The following AFF3 variants were observed in gnomAD, a reference collection of about 807,000 sequenced individuals.
The protein encoded by AFF3 is ALF transcription elongation factor 3, also known as AF4/FMR2 family member 3.
AFF3 carries 32 observed loss-of-function variants against 129.7 expected under a neutral mutation model. That is an observed-to-expected ratio of 0.25 (90% CI 0.19 to 0.33). The LOEUF (loss-of-function observed/expected upper bound fraction) is 0.33. Among genes scored for constraint, AFF3 ranks in the 10% least tolerant of loss-of-function variants. AFF3 has a pLI of 1.00. For missense variants in AFF3, 1,373 were observed against 1,592.0 expected, an observed-to-expected ratio of 0.86 and a Z score of 2.34; for synonymous variants, 644 against 635.4, an observed-to-expected ratio of 1.01 and a Z score of -0.20.
At chr2:99,722,729 T>C (rs1278264333) in intron 11 of AFF3, among the ~76,000 whole-genome samples, 2 of 152,212 alleles carry the variant, frequency 1.3e-5, no homozygotes, top group Non-Finnish European at 2.9e-5. Context: ...TTAGGGGTTA[T>C]TCAAGGATTG....
chr2:100,002,838 C>T (rs1195226134), intron 7 of AFF3, among the ~76,000 whole-genome samples: 1 of 152,214 alleles, frequency 6.6e-6, no homozygotes, highest in Non-Finnish European at 1.5e-5. Context: ...CCACCAACTG[C>T]AAAAGGCCCA....
At chr2:99,845,493 G>T (rs1689651906) in intron 7 of AFF3, among the ~76,000 whole-genome samples, 1 of 152,126 alleles carries the variant, frequency 6.6e-6, no homozygotes, top group South Asian at 2.1e-4. Context: ...AATTGATATT[G>T]AGTGCTTATC....
At chr2:99,840,321 G>C (rs1299129928) in intron 7 of AFF3, among the ~76,000 whole-genome samples, 1 of 151,962 alleles carries the variant, frequency 6.6e-6, no homozygotes, top group Non-Finnish European at 1.5e-5. Flanking sequence ...CTTTTGTATA[G>C]GTCTTTGATA....
intron 24 of AFF3, 148 bp downstream of exon 24, chr2:99,554,163 G>GTT (rs1197973985): frequency 2.5e-6 from 2 of 804,936 alleles, no homozygotes; most frequent in Non-Finnish European, 4.0e-6. Context: ...GAACTAGTTA[G>GTT]TGACATGAGA....
At chr2:100,011,197 C>T (rs568216550) in intron 4 of AFF3, among the ~76,000 whole-genome samples, 1 of 152,250 alleles carries the variant, frequency 6.6e-6, no homozygotes, top group Admixed American at 6.5e-5. Flanking sequence ...CGGCACGAAC[C>T]CGGGAGGCGG....
At chr2:99,973,184 G>A (rs1016823346) in intron 7 of AFF3, among the ~76,000 whole-genome samples, 1 of 152,138 alleles carries the variant, frequency 6.6e-6, no homozygotes, top group African/African-American at 2.4e-5. Context: ...AGAGAAAGTT[G>A]CTCTTCTTTT....
intron 13 of AFF3, among the ~76,000 whole-genome samples, chr2:99,644,169 G>C (rs1308893039): frequency 6.6e-6 from 1 of 152,246 alleles, no homozygotes; most frequent in Non-Finnish European, 1.5e-5. Context: ...GATACTGCCA[G>C]ATGGGCAGAC....
At chr2:99,910,346 T>C (rs1219098222) in intron 7 of AFF3, among the ~76,000 whole-genome samples, 3 of 152,338 alleles carry the variant, frequency 2.0e-5, no homozygotes, top group African/African-American at 7.2e-5. Flanking sequence ...TTTTCAAAAC[T>C]AGACTTGATT....
At chr2:99,786,662 A>C (rs1684814065) in intron 8 of AFF3, among the ~76,000 whole-genome samples, 1 of 152,200 alleles carries the variant, frequency 6.6e-6, no homozygotes, top group East Asian at 1.9e-4. Flanking sequence ...TTTATGCCGT[A>C]GTGCTATAAA....
At chr2:99,712,615 T>C (rs75593002) in intron 11 of AFF3, among the ~76,000 whole-genome samples, 3,529 of 152,270 alleles carry the variant, frequency 0.023, 120 homozygotes, top group African/African-American at 0.079. Context: ...GAATAGAAAA[T>C]GTCAGAGTAA....
chr2:100,106,487 CTTG>C, intron 2 of AFF3: 1 of 1,003,206 alleles, frequency 1.0e-6, no homozygotes, highest in Non-Finnish European at 1.2e-6. Flanking sequence ...TAGCATACGC[CTTG>C]TTGGAAATGT....
chr2:100,121,302 A>G (rs1412572192), intron 2 of AFF3, among the ~76,000 whole-genome samples: 2 of 152,350 alleles, frequency 1.3e-5, no homozygotes, highest in East Asian at 3.9e-4. Context: ...ATAGTTGAAC[A>G]TCGGAGAGAA....
chr2:99,925,208 C>A (rs1558980250), intron 7 of AFF3, among the ~76,000 whole-genome samples: 1 of 152,034 alleles, frequency 6.6e-6, no homozygotes, highest in Non-Finnish European at 1.5e-5. Flanking sequence ...AGAACTACAG[C>A]ATGAAGTATA....
chr2:99,977,254 T>C (rs1000848313), intron 7 of AFF3, among the ~76,000 whole-genome samples: 1 of 152,174 alleles, frequency 6.6e-6, no homozygotes, highest in African/African-American at 2.4e-5. Flanking sequence ...GCCCAGGACA[T>C]CTAGAGAGTC....
chr2:99,860,863 TATC>T (rs1373569966), intron 7 of AFF3, among the ~76,000 whole-genome samples: 5 of 152,224 alleles, frequency 3.3e-5, no homozygotes, highest in African/African-American at 7.2e-5. Flanking sequence ...TACCCATAGT[TATC>T]ATGTTCTGTG....
At chr2:99,982,946 G>A (rs1010905644) in intron 7 of AFF3, among the ~76,000 whole-genome samples, 2 of 152,134 alleles carry the variant, frequency 1.3e-5, no homozygotes, top group African/African-American at 4.8e-5. Context: ...GGTAACCCCT[G>A]AGGAACAGGA....
At chr2:99,808,217 T>C (rs1008264612) in intron 8 of AFF3, among the ~76,000 whole-genome samples, 2 of 152,196 alleles carry the variant, frequency 1.3e-5, no homozygotes, top group African/African-American at 4.8e-5. Context: ...CTCAAGTGAC[T>C]GTGGGTATGG....
intron 13 of AFF3, among the ~76,000 whole-genome samples, chr2:99,612,254 C>T (rs1681008719): frequency 1.3e-5 from 2 of 152,210 alleles, no homozygotes; most frequent in Non-Finnish European, 1.5e-5. Flanking sequence ...AACCCTCTCT[C>T]AATACTTCCA....
At chr2:99,650,431 C>T (rs191195103) in intron 12 of AFF3, among the ~76,000 whole-genome samples, 246 of 152,126 alleles carry the variant, frequency 1.6e-3, no homozygotes, top group African/African-American at 4.0e-3. Context: ...TGGTGGCATG[C>T]GCCTGTAGTC....
Sources: allele counts gnomAD v4.1 joint callset (sites outside exome capture counted in the v4.1 genomes callset), GRCh38; gene constraint gnomAD v4.1.1; transcripts MANE v1.5; gene names NCBI Gene and HGNC (gene_info 2026-07-23, HGNC 2026-07-21).